The following FHOD3 variants were observed in gnomAD, a reference collection of about 807,000 sequenced individuals.
FHOD3 encodes the protein FH1/FH2 domain-containing protein 3.
In FHOD3, 90 loss-of-function variants were observed where a neutral mutation model predicts 173.0. That is an observed-to-expected ratio of 0.52 (90% confidence interval 0.44 to 0.62). The LOEUF is 0.62. Ranked by LOEUF, FHOD3 falls within the 20% of genes least tolerant of loss-of-function variation. The pLI is 0.00. For synonymous variants in FHOD3, 828 were observed against 823.0 expected, an observed-to-expected ratio of 1.01 and a Z score of -0.10; for missense variants, 1,945 against 2,034.7, an observed-to-expected ratio of 0.96 and a Z score of 0.85.
chr18:36,756,409 G>C (rs899777503), intron 25 of FHOD3, among the ~76,000 whole-genome samples: 2 of 152,164 alleles, frequency 1.3e-5, no homozygotes, highest in African/African-American at 4.8e-5. Context: ...TCTGGCAATA[G>C]AGGGAATGGA....
At chr18:36,742,666 C>T (rs1044192249) in intron 21 of FHOD3, 71 bp from the exon 22 acceptor site, 2 of 1,525,876 alleles carry the variant, frequency 1.3e-6, no homozygotes, top group Non-Finnish European at 1.8e-6. Flanking sequence ...TTCCCTTATA[C>T]AAAAAGTCAG....
At chr18:36,679,074 GTAAT>G (rs1325756250) in intron 14 of FHOD3, among the ~76,000 whole-genome samples, 1 of 151,824 alleles carries the variant, frequency 6.6e-6, no homozygotes, top group African/African-American at 2.4e-5. Flanking sequence ...GAATATATTT[GTAAT>G]TAATTAACTC....
At chr18:36,561,372 G>C (rs557336124) in intron 5 of FHOD3, among the ~76,000 whole-genome samples, 18 of 152,162 alleles carry the variant, frequency 1.2e-4, no homozygotes, top group Non-Finnish European at 1.9e-4. Flanking sequence ...CTTGTCACAT[G>C]GGTCAGCTCC....
intron 19 of FHOD3, among the ~76,000 whole-genome samples, chr18:36,724,768 C>T (rs1032668649): frequency 6.6e-6 from 1 of 152,224 alleles, no homozygotes; most frequent in Non-Finnish European, 1.5e-5. Context: ...TGGCATTCAT[C>T]CTGAAGCTTT....
intron 3 of FHOD3, among the ~76,000 whole-genome samples, chr18:36,481,028 T>C (rs2145479651): frequency 6.8e-6 from 1 of 147,504 alleles, no homozygotes; most frequent in East Asian, 1.9e-4. Context: ...TGGTTTTTTT[T>C]TTTTTTTTTT....
chr18:36,642,013 CT>C (rs2035343751), intron 10 of FHOD3, among the ~76,000 whole-genome samples: 1 of 151,728 alleles, frequency 6.6e-6, no homozygotes, highest in Admixed American at 6.6e-5. Flanking sequence ...AATTACACTG[CT>C]TTTTTAGTAA....
chr18:36,446,881 C>T (rs1362484914), intron 3 of FHOD3, among the ~76,000 whole-genome samples: 1 of 152,014 alleles, frequency 6.6e-6, no homozygotes, highest in African/African-American at 2.4e-5. Flanking sequence ...ATCTCCTTCA[C>T]TAAAAACTTC....
intron 15 of FHOD3, among the ~76,000 whole-genome samples, chr18:36,685,211 C>G (rs1423780377): frequency 1.3e-5 from 2 of 152,138 alleles, no homozygotes; most frequent in African/African-American, 4.8e-5. Flanking sequence ...AACTGTTAAC[C>G]ATTTGCTCTT....
At chr18:36,629,642 T>C (rs1398378591) in intron 10 of FHOD3, among the ~76,000 whole-genome samples, 1 of 152,188 alleles carries the variant, frequency 6.6e-6, no homozygotes, top group Non-Finnish European at 1.5e-5. Context: ...CAAAGGAATA[T>C]TCCATGAAGA....
intron 7 of FHOD3, among the ~76,000 whole-genome samples, chr18:36,597,021 C>T (rs759663316): frequency 4.6e-5 from 7 of 152,182 alleles, no homozygotes; most frequent in East Asian, 1.9e-4. Flanking sequence ...CTAACTCTGG[C>T]GGTTGCTTGA....
At chr18:36,599,694 G>A (rs1051120702) in intron 7 of FHOD3, among the ~76,000 whole-genome samples, 3 of 152,146 alleles carry the variant, frequency 2.0e-5, no homozygotes, top group African/African-American at 7.2e-5. Flanking sequence ...TTGAGCAATT[G>A]ATTCTGTGTG....
intron 14 of FHOD3, among the ~76,000 whole-genome samples, chr18:36,676,586 A>G (rs565242969): frequency 6.6e-6 from 1 of 152,322 alleles, no homozygotes; most frequent in East Asian, 1.9e-4. Context: ...ATACATCTTC[A>G]AATGTATTAA....
intron 3 of FHOD3, among the ~76,000 whole-genome samples, chr18:36,490,481 G>A (rs970402977): frequency 2.6e-5 from 4 of 152,188 alleles, no homozygotes; most frequent in African/African-American, 9.6e-5. Context: ...CCAAATGGGT[G>A]TGGAACTGGG....
At chr18:36,452,536 T>C (rs1393569116) in intron 3 of FHOD3, among the ~76,000 whole-genome samples, 6 of 152,190 alleles carry the variant, frequency 3.9e-5, no homozygotes, top group Non-Finnish European at 8.8e-5. Context: ...GTACAGCAGA[T>C]CTTTAGAACC....
chr18:36,354,324 G>A (rs2046259940), intron 1 of FHOD3, among the ~76,000 whole-genome samples: 1 of 152,154 alleles, frequency 6.6e-6, no homozygotes, highest in African/African-American at 2.4e-5. Context: ...AATTGGGCAA[G>A]TAACATAGCC....
chr18:36,552,859 A>C (rs2057718024), intron 5 of FHOD3, among the ~76,000 whole-genome samples: 1 of 152,114 alleles, frequency 6.6e-6, no homozygotes, highest in African/African-American at 2.4e-5. Flanking sequence ...CACTATGTTG[A>C]ATAGGAGTGA....
intron 3 of FHOD3, among the ~76,000 whole-genome samples, chr18:36,381,521 G>T (rs995683641): frequency 6.6e-6 from 1 of 152,224 alleles, no homozygotes; most frequent in East Asian, 1.9e-4. Flanking sequence ...CCGAGAGGAG[G>T]ATGAGGGTGC....
chr18:36,352,892 T>A (rs773565803), intron 1 of FHOD3, among the ~76,000 whole-genome samples: 3 of 152,220 alleles, frequency 2.0e-5, no homozygotes, highest in African/African-American at 7.2e-5. Context: ...TGCCAATGAT[T>A]ACAACCAGAC....
chr18:36,608,661 G>T (rs147029460), intron 8 of FHOD3, among the ~76,000 whole-genome samples: 15 of 152,192 alleles, frequency 9.9e-5, no homozygotes, highest in African/African-American at 3.4e-4. Flanking sequence ...GACACTCTGA[G>T]CTCCTATATA....
Sources: gnomAD v4.1 joint callset for allele counts (sites outside exome capture counted in the v4.1 genomes callset) on GRCh38, gnomAD v4.1.1 for gene constraint, MANE v1.5 for transcripts, NCBI Gene and HGNC (gene_info 2026-07-23, HGNC 2026-07-21) for gene names.